The following GNG2 variants were observed in gnomAD, a reference collection of about 807,000 sequenced individuals.
GNG2 encodes guanine nucleotide-binding protein G(I)/G(S)/G(O) subunit gamma-2.
GNG2 carries 5 observed loss-of-function variants against 5.5 expected under a neutral mutation model. The observed-to-expected ratio is 0.91, with a 90% CI of 0.48 to 1.92. GNG2 has a LOEUF of 1.92. Among genes scored for constraint, GNG2 ranks in the 30% most tolerant of loss-of-function variants. The pLI is 0.01. For missense variants in GNG2, 55 were observed against 88.4 expected, an observed-to-expected ratio of 0.62 and a Z score of 1.52; for synonymous variants, 28 against 32.0, an observed-to-expected ratio of 0.88 and a Z score of 0.42.
chr14:51,957,499 T>C (rs1889341855), intron 3 of GNG2, among the ~76,000 whole-genome samples: 1 of 152,228 alleles, frequency 6.6e-6, no homozygotes, highest in African/African-American at 2.4e-5. Context: ...ACAATTTTGT[T>C]TTCTCCTGAG....
chr14:51,961,571 G>C (rs1310794681), intron 3 of GNG2, among the ~76,000 whole-genome samples: 1 of 152,188 alleles, frequency 6.6e-6, no homozygotes, highest in African/African-American at 2.4e-5. Context: ...AACTGTGAAA[G>C]CAATTTATAA....
intron 3 of GNG2, among the ~76,000 whole-genome samples, chr14:51,963,035 T>C (rs1367164012): frequency 6.6e-6 from 1 of 152,184 alleles, no homozygotes; most frequent in Middle Eastern, 3.2e-3. Flanking sequence ...CATAATGTTG[T>C]TGTAAGGATT....
At chr14:51,885,152 C>T (rs1884361904) in intron 2 of GNG2, among the ~76,000 whole-genome samples, 1 of 152,158 alleles carries the variant, frequency 6.6e-6, no homozygotes, top group Non-Finnish European at 1.5e-5. Context: ...CAAGTTGTGA[C>T]TAAAAGAGTT....
At chr14:51,848,752 G>C (rs933958732) in intron 2 of GNG2, among the ~76,000 whole-genome samples, 3 of 152,194 alleles carry the variant, frequency 2.0e-5, no homozygotes, top group Non-Finnish European at 2.9e-5. Flanking sequence ...GCTCGAATGG[G>C]CTAGTGTTGG....
chr14:51,837,320 C>A (rs976067066), intron 2 of GNG2, among the ~76,000 whole-genome samples: 6 of 152,078 alleles, frequency 3.9e-5, no homozygotes, highest in African/African-American at 1.2e-4. Context: ...ATGAGCAAAG[C>A]ACTCTGTTAA....
chr14:51,959,202 A>T (rs1373800813), intron 3 of GNG2, among the ~76,000 whole-genome samples: 1 of 152,086 alleles, frequency 6.6e-6, no homozygotes, highest in African/African-American at 2.4e-5. Flanking sequence ...CCCAAGGCTT[A>T]GTGTACCATC....
At chr14:51,880,696 G>T (rs1883990394) in intron 2 of GNG2, among the ~76,000 whole-genome samples, 1 of 152,076 alleles carries the variant, frequency 6.6e-6, no homozygotes, top group Non-Finnish European at 1.5e-5. Flanking sequence ...GCCAAGACAG[G>T]GCTTTCCTGG....
At chr14:51,833,981 G>C (rs1881267334) in intron 2 of GNG2, among the ~76,000 whole-genome samples, 1 of 152,078 alleles carries the variant, frequency 6.6e-6, no homozygotes, top group Non-Finnish European at 1.5e-5. Flanking sequence ...GCATCAGACT[G>C]CCTTGAGACA....
Position 51,878,522 on chromosome 14 carries a change from T to C in GNG2, c.-30+865T>C, listed in dbSNP as rs569559356. ...TTTATTTACATAACTGTTTAGGGGA[T>C]ACAGCAAATGCTAAAAAAAAATAAA... is the stretch of plus-strand genomic sequence containing the variant. On this transcript the variant is annotated intron_variant, in intron 2 of 3. Coordinates refer to ENST00000556766, the MANE Select transcript of GNG2 (RefSeq NM_053064.5). Among the ~76,000 whole-genome samples the C allele has an allele frequency of 9.2e-5, 14 of 152,296 alleles. No homozygotes were observed. The South Asian group carries it at 2.9e-3, about 32-fold the overall frequency.
intron 2 of GNG2, among the ~76,000 whole-genome samples, chr14:51,926,603 C>G (rs1042789095): frequency 6.6e-6 from 1 of 152,210 alleles, no homozygotes; most frequent in Non-Finnish European, 1.5e-5. Flanking sequence ...CCGGCCTGCG[C>G]ACTGGGCAGA....
chr14:51,924,752 C>T (rs1323962926), intron 2 of GNG2, among the ~76,000 whole-genome samples: 3 of 152,214 alleles, frequency 2.0e-5, no homozygotes, highest in Non-Finnish European at 4.4e-5. Context: ...AAGCCAGGAC[C>T]TACTGAAAGT....
intron 2 of GNG2, among the ~76,000 whole-genome samples, chr14:51,890,326 G>C (rs1191988336): frequency 6.6e-6 from 1 of 152,152 alleles, no homozygotes; most frequent in Non-Finnish European, 1.5e-5. Context: ...GTTGAGAAAA[G>C]GCATTTTTTT....
upstream of GNG2, among the ~76,000 whole-genome samples, chr14:51,856,459 A>T (rs1882162964): frequency 6.6e-6 from 1 of 152,126 alleles, no homozygotes; most frequent in Non-Finnish European, 1.5e-5. Context: ...TTCGAGACGG[A>T]GTCTTGCTCT....
At chr14:51,873,949 A>T (rs1883472301) in intron 1 of GNG2, 1 of 152,174 alleles carries the variant, frequency 6.6e-6, no homozygotes, top group Admixed American at 6.5e-5. Context: ...GAGACCAGGG[A>T]GGTTATGTGA....
Position 51,914,479 on chromosome 14 carries a change from T to C in GNG2, c.-29-36171T>C, listed in dbSNP as rs572094930. 6.0e-4 allele frequency among the ~76,000 whole-genome samples: 91 copies of C among 152,304 alleles called. No homozygotes were observed. In the Middle Eastern group the frequency reaches 0.014, roughly 23 times the overall value. On this transcript the variant is annotated intron_variant, in intron 2 of 3. Coordinates refer to ENST00000556766, the MANE Select transcript of GNG2 (RefSeq NM_053064.5). ...TTGGCACGAGGTTTGGTAAATCATCTTGGGTGTTAAGTCCCGTGTAGAATT... is the reference window on the plus strand; with the variant it reads ...TTGGCACGAGGTTTGGTAAATCATCCTGGGTGTTAAGTCCCGTGTAGAATT...
chr14:51,864,941 C>T (rs1882773334), intron 1 of GNG2, among the ~76,000 whole-genome samples: 1 of 152,148 alleles, frequency 6.6e-6, no homozygotes, highest in South Asian at 2.1e-4. Flanking sequence ...AATGAATCCT[C>T]TGTTTCCTTT....
intron 2 of GNG2, among the ~76,000 whole-genome samples, chr14:51,848,297 C>G (rs1566643262): frequency 6.6e-6 from 1 of 152,176 alleles, no homozygotes; most frequent in Non-Finnish European, 1.5e-5. Context: ...TCATTCTGGT[C>G]TCACAATGCA....
chr14:51,838,701 C>T (rs1881406842), intron 2 of GNG2, among the ~76,000 whole-genome samples: 1 of 152,174 alleles, frequency 6.6e-6, no homozygotes, highest in South Asian at 2.1e-4. Context: ...TATCGTATGT[C>T]CCTCTAGAGA....
chr14:51,858,337 T>C (rs753446850), upstream of GNG2, among the ~76,000 whole-genome samples: 1 of 152,200 alleles, frequency 6.6e-6, no homozygotes, highest in African/African-American at 2.4e-5. Context: ...TAGCTTTGTA[T>C]AGAGTTTTGT....
Sources: allele counts gnomAD v4.1 joint callset (sites outside exome capture counted in the v4.1 genomes callset), GRCh38; gene constraint gnomAD v4.1.1; transcripts MANE v1.5; gene names NCBI Gene and HGNC (gene_info 2026-07-23, HGNC 2026-07-21).